ANXA10: variants seen among roughly 807,000 people sequenced by gnomAD.
The protein encoded by ANXA10 is annexin A10.
A neutral mutation model predicts 53.5 loss-of-function variants in ANXA10; 49 were observed. The ratio of observed to expected loss-of-function variants is 0.92; its 90% CI spans 0.73 to 1.16. ANXA10 has a LOEUF of 1.16. ANXA10 is among the 50% of genes most tolerant of loss of function. The pLI is 0.00. For missense variants in ANXA10, 393 were observed against 394.4 expected (o/e 1.00, Z 0.03); for synonymous variants, 131 against 128.9 (o/e 1.02, Z -0.11).
At chr4:168,184,522 T>C in intron 10 of ANXA10, 37 bp from the exon 11 acceptor site, 1 of 1,610,970 alleles carries the variant, frequency 6.2e-7, no homozygotes, top group Non-Finnish European at 8.5e-7. Flanking sequence ...TTTAGGATGC[T>C]GTCTTCTCAT....
At chr4:168,163,092 T>A (rs929879903) in intron 4 of ANXA10, among the ~76,000 whole-genome samples, 1 of 152,216 alleles carries the variant, frequency 6.6e-6, no homozygotes, top group Non-Finnish European at 1.5e-5. Flanking sequence ...TTATATTTTC[T>A]TTTTATGACC....
At chr4:168,131,527 G>A (rs1011405258) in intron 2 of ANXA10, among the ~76,000 whole-genome samples, 8 of 151,822 alleles carry the variant, frequency 5.3e-5, no homozygotes, top group African/African-American at 1.7e-4. Flanking sequence ...ACCCTCACTG[G>A]TTTTCTGTCT....
At chr4:168,124,473 T>C (rs1458344806) in intron 1 of ANXA10, among the ~76,000 whole-genome samples, 1 of 152,132 alleles carries the variant, frequency 6.6e-6, no homozygotes, top group East Asian at 1.9e-4. Context: ...ATATTGTATA[T>C]CTGTTAAAAT....
intron 1 of ANXA10, among the ~76,000 whole-genome samples, chr4:168,102,186 GATTT>G (rs1383063991): frequency 1.3e-5 from 2 of 152,076 alleles, no homozygotes; most frequent in East Asian, 3.9e-4. Context: ...GTGGTTATGA[GATTT>G]ATTTGTTATA....
intron 9 of ANXA10, among the ~76,000 whole-genome samples, chr4:168,180,199 T>A (rs1418428543): frequency 6.6e-6 from 1 of 152,170 alleles, no homozygotes; most frequent in Non-Finnish European, 1.5e-5. Context: ...ATGCAATAGA[T>A]GACTATTAAT....
At chr4:168,162,785 T>C in intron 4 of ANXA10, 144 bp downstream of exon 4, 1 of 715,876 alleles carries the variant, frequency 1.4e-6, no homozygotes. Flanking sequence ...ACAATGGAAA[T>C]GTTGTGGTCA....
At chr4:168,100,169 T>C (rs531823643) in intron 1 of ANXA10, among the ~76,000 whole-genome samples, 2 of 152,270 alleles carry the variant, frequency 1.3e-5, no homozygotes, top group South Asian at 4.1e-4. Flanking sequence ...GATTAACTTT[T>C]CTTACATTTA....
intron 6 of ANXA10, among the ~76,000 whole-genome samples, chr4:168,167,552 T>C (rs1023490637): frequency 2.0e-5 from 3 of 152,230 alleles, no homozygotes; most frequent in African/African-American, 7.2e-5. Context: ...TGTACCACTT[T>C]CATAGCAGCT....
intron 2 of ANXA10, among the ~76,000 whole-genome samples, chr4:168,131,763 T>A (rs1179090423): frequency 6.6e-6 from 1 of 152,064 alleles, no homozygotes; most frequent in East Asian, 1.9e-4. Context: ...TTCCTGATAA[T>A]TTTCTTTGCT....
rs201830554 is a variant in ANXA10, at chr4:168,178,520, C to CT, written c.628+537_628+538insT. On this transcript the variant is annotated intron_variant, in intron 8 of 11. Coordinates refer to ENST00000359299, the MANE Select transcript of ANXA10 (RefSeq NM_007193.5). ...TACGCAAATGGCTGAAAATTTTCAA[C>CT]AGATGGCCTACCCTACCCCAATCCC... Among the ~76,000 whole-genome samples, 878 of 152,122 alleles carry CT rather than the reference C, an allele frequency of 5.8e-3. 6 individuals carry two copies. The highest frequency in any genetic ancestry group is 0.018 in the African/African-American group (732 of 41,512).
intron 3 of ANXA10, among the ~76,000 whole-genome samples, chr4:168,141,866 T>C (rs1432251133): frequency 6.6e-6 from 1 of 152,130 alleles, no homozygotes; most frequent in Non-Finnish European, 1.5e-5. Flanking sequence ...GCCCTTGCCT[T>C]TTCCCTGCCT....
At chr4:168,128,238 G>A in intron 2 of ANXA10, 73 bp downstream of exon 2, 2 of 1,184,796 alleles carry the variant, frequency 1.7e-6, no homozygotes, top group Non-Finnish European at 2.4e-6. Flanking sequence ...ACTATACTGT[G>A]GGTATAAAAT....
chr4:168,151,322 T>G (rs74887800), intron 3 of ANXA10, among the ~76,000 whole-genome samples: 3,299 of 152,290 alleles, frequency 0.022, 201 homozygotes, highest in East Asian at 0.14. Context: ...AGAAAGATGT[T>G]AGTCTTACTT....
chr4:168,187,222 T>G, intron 11 of ANXA10, 144 bp from the exon 12 acceptor site: 1 of 432,998 alleles, frequency 2.3e-6, no homozygotes, highest in Non-Finnish European at 4.1e-6. Context: ...TTAGGGCATG[T>G]TAAACCTTTA....
intron 3 of ANXA10, among the ~76,000 whole-genome samples, chr4:168,153,999 C>A (rs561368959): frequency 6.6e-6 from 1 of 151,484 alleles, no homozygotes; most frequent in Non-Finnish European, 1.5e-5. Context: ...CACACACACA[C>A]ACACGCACAC....
intron 2 of ANXA10, among the ~76,000 whole-genome samples, chr4:168,129,974 A>G (rs868219071): frequency 1.8e-4 from 28 of 152,292 alleles, no homozygotes; most frequent in Middle Eastern, 6.8e-3. Flanking sequence ...TTTAACCTAC[A>G]TTCCTAAATC....
chr4:168,160,654 C>T (rs777854025), intron 3 of ANXA10, among the ~76,000 whole-genome samples: 9 of 152,066 alleles, frequency 5.9e-5, no homozygotes, highest in Non-Finnish European at 1.2e-4. Flanking sequence ...TCTTCCACAA[C>T]GGTTGAACTG....
chr4:168,136,988 G>A (rs894686826), intron 2 of ANXA10, among the ~76,000 whole-genome samples: 1 of 152,170 alleles, frequency 6.6e-6, no homozygotes, highest in African/African-American at 2.4e-5. Context: ...ACACCATGTG[G>A]AAGCCTTGGC....
intron 6 of ANXA10, among the ~76,000 whole-genome samples, chr4:168,170,964 T>C (rs1451301550): frequency 6.6e-6 from 1 of 152,166 alleles, no homozygotes; most frequent in Non-Finnish European, 1.5e-5. Flanking sequence ...GTATGAGTTC[T>C]CTTAGATTGT....
Sources: gnomAD v4.1 joint callset for allele counts (sites outside exome capture counted in the v4.1 genomes callset) on GRCh38, gnomAD v4.1.1 for gene constraint, MANE v1.5 for transcripts, NCBI Gene and HGNC (gene_info 2026-07-23, HGNC 2026-07-21) for gene names.